The following PAX5 variants were observed in gnomAD, a reference collection of about 807,000 sequenced individuals.
PAX5 encodes paired box 5.
Under a neutral mutation model 43.7 loss-of-function variants are expected in PAX5, and 9 were observed. The observed-to-expected ratio is 0.21, with a 90% CI of 0.12 to 0.36. PAX5 has a LOEUF of 0.36. Among genes scored for constraint, PAX5 ranks in the 10% least tolerant of loss-of-function variants. PAX5 has a pLI of 1.00. For missense variants in PAX5, 383 were observed against 532.7 expected, an observed-to-expected ratio of 0.72 and a Z score of 2.77; for synonymous variants, 228 against 214.3, an observed-to-expected ratio of 1.06 and a Z score of -0.56.
intron 8 of PAX5, among the ~76,000 whole-genome samples, chr9:36,872,093 C>A (rs892576531): frequency 6.6e-6 from 1 of 152,202 alleles, no homozygotes; most frequent in African/African-American, 2.4e-5. Flanking sequence ...GAGCCCTCCT[C>A]CCAGGTGCAC....
chr9:36,886,339 G>A (rs1042296285), intron 7 of PAX5, among the ~76,000 whole-genome samples: 2 of 152,156 alleles, frequency 1.3e-5, no homozygotes, highest in Admixed American at 6.5e-5. Context: ...CTAAGAACAC[G>A]TATCAAATTC....
At chr9:36,931,969 T>C (rs1831170406) in intron 6 of PAX5, among the ~76,000 whole-genome samples, 1 of 152,090 alleles carries the variant, frequency 6.6e-6, no homozygotes, top group African/African-American at 2.4e-5. Flanking sequence ...GTGGTGTGGT[T>C]ATGCTTTTTA....
chr9:37,033,590 G>T (rs1253160450), intron 1 of PAX5, among the ~76,000 whole-genome samples: 3 of 99,986 alleles, frequency 3.0e-5, no homozygotes, highest in Non-Finnish European at 6.1e-5. Flanking sequence ...TACCCCACGA[G>T]TATAAAGATA....
chr9:36,938,134 G>A (rs1420674615), intron 6 of PAX5, among the ~76,000 whole-genome samples: 2 of 152,134 alleles, frequency 1.3e-5, no homozygotes, highest in Non-Finnish European at 2.9e-5. Context: ...GTTTCTGCTT[G>A]TATGCCTTTT....
At chr9:36,996,424 T>C (rs1031448309) in intron 5 of PAX5, among the ~76,000 whole-genome samples, 1 of 152,242 alleles carries the variant, frequency 6.6e-6, no homozygotes, top group South Asian at 2.1e-4. Context: ...CCCATGAGCC[T>C]GTGCCTTTGA....
intron 7 of PAX5, among the ~76,000 whole-genome samples, chr9:36,888,665 A>G (rs915576837): frequency 6.6e-6 from 1 of 152,236 alleles, no homozygotes; most frequent in Non-Finnish European, 1.5e-5. Context: ...ATAAAGTCTC[A>G]GGCTGCATCT....
chr9:36,908,898 AT>A lies in PAX5; in HGVS notation c.910+14456del, dbSNP rs1310101235. Among the ~76,000 whole-genome samples, 4 of 152,178 alleles carry A rather than the reference AT, an allele frequency of 2.6e-5. 1 individual carries two copies. In the South Asian group the frequency reaches 6.2e-4, roughly 24 times the overall value. ...AACTGGAGTACTTTCCACTGAAATT[AT>A]TTTTTTAATTGATGCTACACTTTAC... On this transcript the variant is annotated intron_variant, in intron 7 of 9. Transcript: ENST00000358127.
chr9:36,835,685 A>C lies in PAX5; in HGVS notation c.*4875T>G, dbSNP rs988087040. The C allele has an allele frequency of 4.3e-6, 1 of 233,128 alleles. No homozygotes were observed. The highest frequency in any genetic ancestry group is 6.0e-5 in the East Asian group (1 of 16,590). 14.4% of individuals were successfully genotyped at this position (233,128 alleles called of 1,614,324 possible). On this transcript the variant is annotated 3_prime_UTR_variant, in exon 10 of 10. Transcript: ENST00000358127. ...AATGTACTTGCCTCGGACCTCTCCG[A>C]GGCCAAAAGAACGAAAGAAATAGTT...
At chr9:36,924,634 C>T (rs1217315949) in intron 6 of PAX5, among the ~76,000 whole-genome samples, 6 of 150,558 alleles carry the variant, frequency 4.0e-5, no homozygotes, top group African/African-American at 4.9e-5. Flanking sequence ...GCGGGAAGAT[C>T]GACTGAGCCC....
rs896399014 is a variant in PAX5 at position 37,014,844 on chromosome 9, G to A, written c.410+153C>T. On this transcript the variant is annotated intron_variant, in intron 3 of 9. Coordinates refer to ENST00000358127, the MANE Select transcript of PAX5 (RefSeq NM_016734.3). ...AAAGAAGAGAAGGGTAACAGAGACC[G>A]AGCAGGCCCCATTAGCATCCCTCCT... Among the ~76,000 whole-genome samples the A allele has an allele frequency of 1.4e-4, 22 of 152,116 alleles. 1 individual carries two copies. Among genetic ancestry groups the A allele is most frequent in the Admixed American group, 9.2e-4 (14 of 15,284 alleles).
At chr9:37,026,466 C>T in intron 1 of PAX5, 1 of 1,261,940 alleles carries the variant, frequency 7.9e-7, no homozygotes, top group Non-Finnish European at 1.0e-6. Context: ...GTACCTGACC[C>T]ACGGTCCGGC....
At chr9:37,022,127 C>T (rs779876075) in intron 1 of PAX5, among the ~76,000 whole-genome samples, 1 of 152,128 alleles carries the variant, frequency 6.6e-6, no homozygotes, top group African/African-American at 2.4e-5. Context: ...CTCAAGTTTC[C>T]CATGAATATT....
chr9:36,931,096 A>G (rs1315569069), intron 6 of PAX5, among the ~76,000 whole-genome samples: 1 of 152,122 alleles, frequency 6.6e-6, no homozygotes, highest in African/African-American at 2.4e-5. Flanking sequence ...GGGCTCCTGT[A>G]GGCTCACCGC....
At chr9:37,010,244 C>T (rs1031570651) in intron 3 of PAX5, among the ~76,000 whole-genome samples, 3 of 152,200 alleles carry the variant, frequency 2.0e-5, no homozygotes, top group African/African-American at 4.8e-5. Flanking sequence ...ACCTGCTGAG[C>T]GTGAGCAGGA....
intron 5 of PAX5, among the ~76,000 whole-genome samples, chr9:36,985,632 T>G (rs1245695364): frequency 6.6e-6 from 1 of 151,958 alleles, no homozygotes; most frequent in East Asian, 1.9e-4. Flanking sequence ...CAGCCTTCTG[T>G]GTAGGGCAAG....
At chr9:36,864,759 G>T (rs1824675723) in intron 8 of PAX5, among the ~76,000 whole-genome samples, 1 of 152,240 alleles carries the variant, frequency 6.6e-6, no homozygotes, top group Non-Finnish European at 1.5e-5. Context: ...CGGAGGGAGG[G>T]AGGCCGCCAA....
intron 5 of PAX5, among the ~76,000 whole-genome samples, chr9:36,989,726 G>A (rs1460577739): frequency 6.6e-6 from 1 of 152,214 alleles, no homozygotes; most frequent in Admixed American, 6.5e-5. Flanking sequence ...TCTGGGGTCA[G>A]GCAGGACTTG....
chr9:36,897,901 G>A (rs553863828), intron 7 of PAX5, among the ~76,000 whole-genome samples: 92 of 152,312 alleles, frequency 6.0e-4, no homozygotes, highest in African/African-American at 2.0e-3. Context: ...CCTGGAGCCC[G>A]GGAGATAGGG....
At chr9:36,846,354 CAG>C (rs530623401) in intron 9 of PAX5, among the ~76,000 whole-genome samples, 205 of 152,352 alleles carry the variant, frequency 1.3e-3, no homozygotes, top group African/African-American at 4.5e-3. Flanking sequence ...CAGGTTCTAA[CAG>C]AGCCGGCTCT....
Sources: allele counts gnomAD v4.1 joint callset (sites outside exome capture counted in the v4.1 genomes callset), GRCh38; gene constraint gnomAD v4.1.1; transcripts MANE v1.5; gene names NCBI Gene and HGNC (gene_info 2026-07-23, HGNC 2026-07-21).